ADAMTS6: variants seen among roughly 807,000 people sequenced by gnomAD.
ADAMTS6 encodes the protein ADAM metallopeptidase with thrombospondin type 1 motif 6, also known as A disintegrin and metalloproteinase with thrombospondin motifs 6.
Under a neutral mutation model 144.3 loss-of-function variants are expected in ADAMTS6, and 23 were observed. That is an observed-to-expected ratio of 0.16 (90% CI 0.11 to 0.23). ADAMTS6 has a LOEUF of 0.23. Among genes scored for constraint, ADAMTS6 ranks in the 10% least tolerant of loss-of-function variants. ADAMTS6 has a pLI of 1.00. For synonymous variants in ADAMTS6, 444 were observed against 457.5 expected, an observed-to-expected ratio of 0.97 and a Z score of 0.38; for missense variants, 999 against 1,379.6, an observed-to-expected ratio of 0.72 and a Z score of 4.37.
intron 7 of ADAMTS6, among the ~76,000 whole-genome samples, chr5:65,373,402 G>A (rs1267355336): frequency 3.3e-4 from 50 of 150,990 alleles, no homozygotes; most frequent in Non-Finnish European, 4.3e-4. Flanking sequence ...TCAAATAGAC[G>A]CAATAAAAAA....
intron 24 of ADAMTS6, among the ~76,000 whole-genome samples, chr5:65,163,422 G>A (rs758459360): frequency 1.3e-5 from 2 of 152,148 alleles, no homozygotes; most frequent in Admixed American, 6.5e-5. Context: ...TATACATTTT[G>A]AAAGAGTAAA....
intron 7 of ADAMTS6, among the ~76,000 whole-genome samples, chr5:65,364,820 C>A (rs1287395289): frequency 3.9e-5 from 6 of 152,024 alleles, no homozygotes; most frequent in Non-Finnish European, 8.8e-5. Flanking sequence ...CCCGCCTCAG[C>A]CTCCCAAAGT....
At chr5:65,170,861 C>A (rs1579950635) in intron 23 of ADAMTS6, 88 bp from the exon 24 acceptor site, 1 of 1,393,388 alleles carries the variant, frequency 7.2e-7, no homozygotes, top group Non-Finnish European at 9.7e-7. Context: ...AAATACAACA[C>A]AATATGAACT....
At chr5:65,305,668 T>C (rs994546554) in intron 9 of ADAMTS6, among the ~76,000 whole-genome samples, 5 of 152,230 alleles carry the variant, frequency 3.3e-5, no homozygotes, top group African/African-American at 1.2e-4. Context: ...TTTATGTGTT[T>C]AGTAAACATT....
chr5:65,470,993 A>C lies in ADAMTS6; in HGVS notation c.247T>G (p.Ser83Ala). 6.2e-7 allele frequency: 1 copy of C among 1,612,928 alleles called. No individual in the cohort carries two copies. Among genetic ancestry groups the C allele is most frequent in the Non-Finnish European group, 8.5e-7 (1 of 1,179,574 alleles). ...GCTGAAAGTTTAAAAAATAACTTAG[A>C]TACTGCCTGCTGTGGATCAATAGGG... ...MDPIDPQQAVSKLFFKLSAYG... is the reference protein window; with the variant it reads ...MDPIDPQQAVAKLFFKLSAYG... The change falls in exon 3 of 25, where the codon TCT becomes GCT. Residue 83 changes from serine to alanine, a missense_variant. By Grantham distance (99) the Ser-to-Ala change is moderately conservative (BLOSUM62 1). Transcript: ENST00000381055.
chr5:65,462,758 C>T lies in ADAMTS6; in HGVS notation c.463-2420G>A, dbSNP rs554565516. Among the ~76,000 whole-genome samples the T allele has an allele frequency of 2.0e-5, 3 of 152,254 alleles. No homozygotes were observed. In the South Asian group the frequency reaches 6.2e-4, roughly 32 times the overall value. Reference sequence around the variant, plus strand: ...GTGAACCAAAGTTCCAGCTGTATCACGTTGCTTACATTTTGGTGGGAGGAG... The same window carrying T: ...GTGAACCAAAGTTCCAGCTGTATCATGTTGCTTACATTTTGGTGGGAGGAG... On this transcript the variant is annotated intron_variant, in intron 3 of 24. Transcript: ENST00000381055.
chr5:65,334,036 A>C lies in ADAMTS6; in HGVS notation c.1117+6T>G. On this transcript the variant is annotated splice_donor_region_variant and intron_variant, in intron 8 of 24. Coordinates refer to ENST00000381055, the MANE Select transcript of ADAMTS6 (RefSeq NM_197941.4). ...AAAAAAAAAAAAAAAACCAAAAAAA[A>C]CTTACCCAGTGTTCCACAGGGCTTA... is the stretch of plus-strand genomic sequence containing the variant. The C allele has an allele frequency of 1.4e-6, 2 of 1,438,992 alleles. No individual in the cohort carries two copies. Among genetic ancestry groups the C allele is most frequent in the Non-Finnish European group, 1.8e-6 (2 of 1,098,214 alleles). 89.1% of individuals were successfully genotyped at this position (1,438,992 alleles called of 1,614,324 possible).
At chr5:65,302,726 T>C (rs1743561803) in intron 9 of ADAMTS6, among the ~76,000 whole-genome samples, 1 of 152,168 alleles carries the variant, frequency 6.6e-6, no homozygotes, top group South Asian at 2.1e-4. Context: ...CTTATTTCTC[T>C]GAAAGGTTGA....
chr5:65,246,619 T>A (rs1239352887), intron 14 of ADAMTS6, among the ~76,000 whole-genome samples: 1 of 150,500 alleles, frequency 6.6e-6, no homozygotes, highest in Non-Finnish European at 1.5e-5. Flanking sequence ...AAGGAATGAT[T>A]TATGTACATA....
At chr5:65,210,961 GCAAAAA>G (rs547483191) in intron 20 of ADAMTS6, 6 of 217,548 alleles carry the variant, frequency 2.8e-5, no homozygotes, top group African/African-American at 6.9e-5. Flanking sequence ...CTTAATGACA[GCAAAAA>G]CAAAAACAAA....
At chr5:65,321,091 G>A (rs1289365092) in intron 9 of ADAMTS6, among the ~76,000 whole-genome samples, 1 of 152,150 alleles carries the variant, frequency 6.6e-6, no homozygotes, top group Non-Finnish European at 1.5e-5. Flanking sequence ...GGGTTGAATG[G>A]TATTTCTGTC....
chr5:65,471,000 C>T lies in ADAMTS6; in HGVS notation c.240G>A (p.Gln80=). The change falls in exon 3 of 25, where the codon CAG becomes CAA. Residue 80 remains glutamine (Q), a synonymous_variant. Coordinates refer to ENST00000381055, the MANE Select transcript of ADAMTS6 (RefSeq NM_197941.4). ...GTTTAAAAAATAACTTAGATACTGC[C>T]TGCTGTGGATCAATAGGGTCCATAC... is the stretch of plus-strand genomic sequence containing the variant. The part of the protein sequence containing the change: ...RRSMDPIDPQ[Q]AVSKLFFKLS... 6.2e-7 allele frequency: 1 copy of T among 1,612,942 alleles called. No individual in the cohort carries two copies. The highest frequency in any genetic ancestry group is 1.1e-5 in the South Asian group (1 of 90,932).
At chr5:65,246,124 C>A (rs961455783) in intron 14 of ADAMTS6, among the ~76,000 whole-genome samples, 2 of 152,142 alleles carry the variant, frequency 1.3e-5, no homozygotes, top group African/African-American at 4.8e-5. Context: ...AAAAAAAGAT[C>A]AAACACTTTT....
At chr5:65,182,228 T>C (rs1754403140) in intron 22 of ADAMTS6, among the ~76,000 whole-genome samples, 1 of 151,890 alleles carries the variant, frequency 6.6e-6, no homozygotes. Context: ...GGGTGGATCA[T>C]GAGGTCAGGA....
intron 7 of ADAMTS6, among the ~76,000 whole-genome samples, chr5:65,372,061 C>A (rs1014265306): frequency 2.0e-5 from 3 of 151,970 alleles, no homozygotes; most frequent in Admixed American, 1.3e-4. Flanking sequence ...ACTTTATAGA[C>A]AAGCAAATGC....
At chr5:65,249,031 G>A (rs543075713) in intron 14 of ADAMTS6, among the ~76,000 whole-genome samples, 9 of 152,054 alleles carry the variant, frequency 5.9e-5, no homozygotes, top group African/African-American at 9.6e-5. Context: ...GTGTGTGCGC[G>A]CATGTCTGTC....
chr5:65,362,774 A>AC (rs1749945703), intron 7 of ADAMTS6, among the ~76,000 whole-genome samples: 1 of 152,224 alleles, frequency 6.6e-6, no homozygotes, highest in South Asian at 2.1e-4. Flanking sequence ...AGAGACAAAT[A>AC]GAGTTTAGTC....
rs1335233276 is a variant in ADAMTS6, at chr5:65,452,570, A to G, written c.843+137T>C. The G allele has an allele frequency of 6.2e-6, 5 of 803,604 alleles. No homozygotes were observed. In the East Asian group the frequency reaches 1.4e-4, roughly 22 times the overall value. The allele number at this position is 803,604 out of a possible 1,614,324, so 49.8% of individuals were successfully genotyped here. A position where few individuals can be genotyped will look rare whatever the true frequency, so the allele number is the denominator to read the frequency against. On this transcript the variant is annotated intron_variant, in intron 5 of 24. Transcript: ENST00000381055. ...TTTAAATGTATTTTTATGGAACTGA[A>G]ACATTACTAGACCAATTTTTTACCA...
At chr5:65,255,258 A>AT (rs908378068) in intron 14 of ADAMTS6, among the ~76,000 whole-genome samples, 7 of 151,574 alleles carry the variant, frequency 4.6e-5, no homozygotes, top group African/African-American at 1.2e-4. Flanking sequence ...ACTTGAAGAA[A>AT]TTTTTTTTTA....
Sources: gnomAD v4.1 joint callset for allele counts (sites outside exome capture counted in the v4.1 genomes callset) on GRCh38, gnomAD v4.1.1 for gene constraint, MANE v1.5 for transcripts, NCBI Gene and HGNC (gene_info 2026-07-23, HGNC 2026-07-21) for gene names.